Variants in DAB2IP observed in about 807,000 individuals in gnomAD.
DAB2IP encodes DAB2 interacting protein.
DAB2IP carries 28 observed loss-of-function variants against 107.2 expected under a neutral mutation model. The ratio of observed to expected loss-of-function variants is 0.26; its 90% CI spans 0.19 to 0.36. The LOEUF (loss-of-function observed/expected upper bound fraction) is 0.36. DAB2IP is among the 10% of genes least tolerant of loss of function. The pLI is 1.00. For missense variants in DAB2IP, 1,400 were observed against 1,644.7 expected, an observed-to-expected ratio of 0.85 and a Z score of 2.57; for synonymous variants, 755 against 706.4, an observed-to-expected ratio of 1.07 and a Z score of -1.09.
At chr9:121,730,218 T>C (rs1365783574) in intron 3 of DAB2IP, among the ~76,000 whole-genome samples, 2 of 152,180 alleles carry the variant, frequency 1.3e-5, no homozygotes, top group Non-Finnish European at 2.9e-5. Context: ...ACTGTTCCTA[T>C]CTCCCTCCTC....
At chr9:121,758,674 G>A (rs1833662281) in intron 4 of DAB2IP, among the ~76,000 whole-genome samples, 1 of 152,212 alleles carries the variant, frequency 6.6e-6, no homozygotes, top group African/African-American at 2.4e-5. Context: ...GCAGGATGGG[G>A]CCACTCTCCG....
chr9:121,571,063 C>T (rs928007884), intron 1 of DAB2IP, among the ~76,000 whole-genome samples: 1 of 152,096 alleles, frequency 6.6e-6, no homozygotes, highest in African/African-American at 2.4e-5. Context: ...TGTCTCCCCC[C>T]AGGGCCTTTG....
chr9:121,727,626 G>A (rs79920160), intron 3 of DAB2IP, among the ~76,000 whole-genome samples: 11,279 of 152,264 alleles, frequency 0.074, 975 homozygotes, highest in African/African-American at 0.21. Context: ...CCACCACTCT[G>A]TGACCTCATC....
At chr9:121,642,062 TCTTTCTTTCTTTCTTTCTTTCTCA>T (rs1832371011) in intron 1 of DAB2IP, among the ~76,000 whole-genome samples, 1 of 117,972 alleles carries the variant, frequency 8.5e-6, no homozygotes, top group African/African-American at 3.8e-5. Context: ...TTTCTTTCTT[TCTTTCTTTCTTTCTTTCTTTCTCA>T]CTTTCTTTTT....
At chr9:121,592,556 T>C (rs981012314) in intron 1 of DAB2IP, among the ~76,000 whole-genome samples, 5 of 152,198 alleles carry the variant, frequency 3.3e-5, no homozygotes, top group Middle Eastern at 3.2e-3. Flanking sequence ...ATTGGAACCC[T>C]TGAAGTACAT....
chr9:121,729,376 C>T (rs2118847085), intron 3 of DAB2IP, among the ~76,000 whole-genome samples: 1 of 152,268 alleles, frequency 6.6e-6, no homozygotes. Flanking sequence ...AAGCTGAGAC[C>T]CTAGGAGAGA....
intron 8 of DAB2IP, among the ~76,000 whole-genome samples, chr9:121,765,218 G>T (rs1006848688): frequency 6.9e-6 from 1 of 144,828 alleles, no homozygotes; most frequent in Non-Finnish European, 1.5e-5. Flanking sequence ...CCCTCTTCCA[G>T]GGGGGCTGGG....
chr9:121,647,621 G>A (rs116981031), upstream of DAB2IP, among the ~76,000 whole-genome samples: 193 of 152,208 alleles, frequency 1.3e-3, 3 homozygotes, highest in East Asian at 0.032. Flanking sequence ...TTCACAAGTA[G>A]CCTCCTGTGT....
chr9:121,582,650 A>G (rs1051854610), intron 1 of DAB2IP, among the ~76,000 whole-genome samples: 9 of 151,988 alleles, frequency 5.9e-5, no homozygotes, highest in Admixed American at 3.3e-4. Flanking sequence ...TAGCCCCCCA[A>G]TGACCACTTT....
chr9:121,665,819 AGAG>A (rs761984951), intron 1 of DAB2IP, among the ~76,000 whole-genome samples: 24 of 152,234 alleles, frequency 1.6e-4, no homozygotes, highest in Non-Finnish European at 2.8e-4. Context: ...TAGATTTGAA[AGAG>A]GAGAGATGGG....
Position 121,776,283 on chromosome 9 carries a change from C to T in DAB2IP, c.3206C>T (p.Thr1069Met), listed in dbSNP as rs1438304708. The T allele has an allele frequency of 2.5e-6, 4 of 1,581,646 alleles. No individual in the cohort carries two copies. Among genetic ancestry groups the T allele is most frequent in the Non-Finnish European group, 3.4e-6 (4 of 1,163,974 alleles). The change falls in exon 14 of 16, where the codon ACG (threonine) becomes ATG (methionine). Residue 1069 changes from threonine (T) to methionine (M), a missense_variant. This residue lies in a region of DAB2IP where 600 missense variants were observed against 659.1 expected (regional missense o/e 0.91). Coordinates refer to ENST00000408936, the Ensembl canonical transcript of DAB2IP. The surrounding 1 kb of genome is among the most constrained non-coding windows in gnomAD (Gnocchi z 5.4). ...ACCCTGTTCAAGTGCCAGGAGGAGACGACGCAGAAGCTGGTGCTGGAGTAC... is the reference window on the plus strand; with the variant it reads ...ACCCTGTTCAAGTGCCAGGAGGAGATGACGCAGAAGCTGGTGCTGGAGTAC...
chr9:121,683,149 C>T (rs772769491), intron 2 of DAB2IP, among the ~76,000 whole-genome samples: 13 of 152,192 alleles, frequency 8.5e-5, no homozygotes, highest in Non-Finnish European at 1.8e-4. Context: ...AATGGTCAGA[C>T]TGGGTCTGGG....
intron 1 of DAB2IP, among the ~76,000 whole-genome samples, chr9:121,587,911 T>A (rs1029852926): frequency 6.6e-6 from 1 of 152,218 alleles, no homozygotes; most frequent in Non-Finnish European, 1.5e-5. Flanking sequence ...ATTGTTTATA[T>A]ACAATTTACA....
intron 13 of DAB2IP, among the ~76,000 whole-genome samples, chr9:121,774,976 T>G (rs1357843205): frequency 6.6e-6 from 1 of 152,198 alleles, no homozygotes; most frequent in Non-Finnish European, 1.5e-5. Flanking sequence ...TTGAGATGTT[T>G]TCTTCCCCAC....
intron 1 of DAB2IP, among the ~76,000 whole-genome samples, chr9:121,670,720 G>C (rs1833644143): frequency 6.6e-6 from 1 of 152,148 alleles, no homozygotes; most frequent in Non-Finnish European, 1.5e-5. Context: ...CCACATTTAA[G>C]AATGCATATC....
intron 1 of DAB2IP, among the ~76,000 whole-genome samples, chr9:121,667,307 A>C (rs1194208185): frequency 6.6e-6 from 1 of 151,894 alleles, no homozygotes; most frequent in African/African-American, 2.4e-5. Flanking sequence ...GGTAAATTAC[A>C]GGCGTGAGCC....
chr9:121,612,517 C>T (rs1831130742), intron 1 of DAB2IP, among the ~76,000 whole-genome samples: 1 of 151,948 alleles, frequency 6.6e-6, no homozygotes, highest in South Asian at 2.1e-4. Flanking sequence ...ATCCACAGTC[C>T]CCGTGAGCTT....
chr9:121,572,289 G>A (rs560999766), intron 1 of DAB2IP, among the ~76,000 whole-genome samples: 43 of 152,236 alleles, frequency 2.8e-4, no homozygotes, highest in Non-Finnish European at 5.3e-4. Flanking sequence ...ACTCCCACAT[G>A]AGACTATAAG....
In DAB2IP at chr9:121,651,973, G is replaced by A; in HGVS notation, c.124+74G>A. On this transcript the variant is annotated intron_variant, in intron 1 of 15. Coordinates refer to ENST00000408936, the Ensembl canonical transcript of DAB2IP. This position sits in a 1 kb window ranked among gnomAD's most constrained non-coding sequence, Gnocchi z 5.1. ...AGCCACCTGATGCCCTGGGATGCTA[G>A]GGACCGGGATCCTCCTTCCAGCCAT... The A allele has an allele frequency of 1.7e-6, 2 of 1,193,482 alleles. No homozygotes were observed. Among genetic ancestry groups the A allele is most frequent in the Non-Finnish European group, 2.1e-6 (2 of 948,136 alleles). 73.9% of individuals were successfully genotyped at this position (1,193,482 alleles called of 1,614,324 possible).
Sources: allele counts gnomAD v4.1 joint callset (sites outside exome capture counted in the v4.1 genomes callset), GRCh38; gene constraint gnomAD v4.1.1; regional missense constraint gnomAD v4.1.1; non-coding constraint Gnocchi (gnomAD v3.1); transcripts MANE v1.5; gene names NCBI Gene and HGNC (gene_info 2026-07-23, HGNC 2026-07-21).